The following IQCF2 variants were observed in gnomAD, a reference collection of about 807,000 sequenced individuals.
IQCF2 encodes the protein IQ motif containing F2, also known as IQ domain-containing protein F2.
A neutral mutation model predicts 7.0 loss-of-function variants in IQCF2; 6 were observed. The ratio of observed to expected loss-of-function variants is 0.86; its 90% CI spans 0.47 to 1.70. The LOEUF is 1.70. Among genes scored for constraint, IQCF2 ranks in the 40% most tolerant of loss-of-function variants. The probability of loss-of-function intolerance (pLI) is 0.01; values close to 1 mark genes in which losing one functional copy is unlikely to be tolerated. For missense variants in IQCF2, 174 were observed against 204.6 expected (o/e 0.85, Z 0.91); for synonymous variants, 67 against 74.0 (o/e 0.91, Z 0.48).
chr3:51,862,871 C>G, intron 2 of IQCF2, 116 bp from the exon 3 acceptor site: 1 of 1,298,978 alleles, frequency 7.7e-7, no homozygotes, highest in Non-Finnish European at 1.1e-6. Flanking sequence ...CTGCTAACTT[C>G]CCTGAATTCT....
At position 51,863,355 on chromosome 3, in the gene IQCF2, GATC is replaced by G; in HGVS notation, c.485_487del (p.Ile162del). The G allele has an allele frequency of 1.2e-6, 2 of 1,613,796 alleles. No individual in the cohort carries two copies. Among genetic ancestry groups the G allele is most frequent in the Non-Finnish European group, 1.7e-6 (2 of 1,179,958 alleles). ...CCACTCACCTGCAGTTCCACATTGAGATCATCAACTCCTAAGGGCTGGCAAGAA... is the reference window on the plus strand; with the variant it reads ...CCACTCACCTGCAGTTCCACATTGAGATCAACTCCTAAGGGCTGGCAAGAA... On this transcript the variant is annotated inframe_deletion, in exon 3 of 3. Coordinates refer to ENST00000333127, the MANE Select transcript of IQCF2 (RefSeq NM_203424.2).
rs779701186 is a variant in IQCF2 at position 51,863,407 on chromosome 3, T to C, written c.*37T>C. The C allele has an allele frequency of 6.3e-6, 10 of 1,590,454 alleles. No individual in the cohort carries two copies. Among genetic ancestry groups the C allele is most frequent in the Non-Finnish European group, 8.6e-6 (10 of 1,165,240 alleles). On this transcript the variant is annotated 3_prime_UTR_variant, in exon 3 of 3. Transcript: ENST00000333127. The stretch of plus-strand genomic sequence containing the variant: ...AAGGGCACTGTGTCTACTGTCCCTA[T>C]TAAAGGTCTAACCTGGTCTGGTGTG...
At chr3:51,862,423 G>C (rs199789558) in intron 2 of IQCF2, among the ~76,000 whole-genome samples, 1 of 75,494 alleles carries the variant, frequency 1.3e-5, no homozygotes, top group Admixed American at 1.3e-4. Flanking sequence ...AAAAAAAAAA[G>C]AATGAAAGCC....
At chr3:51,861,706 A>C (rs1248617009) in intron 1 of IQCF2, 22 bp downstream of exon 1, 1 of 1,614,050 alleles carries the variant, frequency 6.2e-7, no homozygotes, top group East Asian at 2.2e-5. Context: ...GGCCAGATCT[A>C]TTAGGTGGAC....
rs767340179 is a variant in IQCF2 at position 51,861,849 on chromosome 3, T to C, written c.19-9T>C. The C allele has an allele frequency of 6.2e-7, 1 of 1,610,398 alleles. No homozygotes were observed. Among genetic ancestry groups the C allele is most frequent in the Non-Finnish European group, 8.5e-7 (1 of 1,176,644 alleles). ...CATTTATGTACTTCCCATTTAATTC[T>C]GATGACAGACCAAAGGCAATTTAAT... On this transcript the variant is annotated splice_polypyrimidine_tract_variant and intron_variant, in intron 1 of 2. Coordinates refer to ENST00000333127, the MANE Select transcript of IQCF2 (RefSeq NM_203424.2).
At position 51,863,157 on chromosome 3, in the gene IQCF2, C is replaced by G. The variant is rs1329432638; in HGVS notation, c.282C>G (p.Ile94Met). The G allele has an allele frequency of 1.9e-6, 3 of 1,614,170 alleles. No homozygotes were observed. The highest frequency in any genetic ancestry group is 3.3e-5 in the Admixed American group (2 of 60,022). Reference protein sequence around the residue: ...VLEKKRQAALIAYATRERAVI... With the variant: ...VLEKKRQAALMAYATRERAVI... ...AGAAGAAACGGCAGGCAGCTCTGAT[C>G]GCCTACGCAACCAGAGAGAGGGCAG... Residue 94 changes from isoleucine to methionine, a missense_variant, in exon 3 of 3, where the codon ATC (isoleucine) becomes ATG (methionine). By Grantham distance (10) the Ile-to-Met change is conservative. Coordinates refer to ENST00000333127, the MANE Select transcript of IQCF2 (RefSeq NM_203424.2).
At position 51,861,677 on chromosome 3, in the gene IQCF2, G is replaced by A. The variant is rs114750576; in HGVS notation, c.11G>A (p.Arg4Gln). 0.062 allele frequency: 99,248 copies of A among 1,613,542 alleles called. 3,570 individuals are homozygous for A. The highest frequency in any genetic ancestry group is 0.073 in the Non-Finnish European group (85,533 of 1,179,466). The change falls in exon 1 of 3, where the codon CGA (arginine) becomes CAA (glutamine). Residue 4 changes from arginine (R) to glutamine (Q), a missense_variant. By Grantham distance (43) the Arg-to-Gln change is conservative (BLOSUM62 1). Coordinates refer to ENST00000333127, the MANE Select transcript of IQCF2 (RefSeq NM_203424.2). MRV[R>Q]FCTKGNLILV... ...ATCTAAGGACAGGCCATGAGGGTTC[G>A]ATTTTGTGTAAGAGACATGGCCAGA...
In IQCF2 at chr3:51,861,660, A is replaced by G. The variant is rs201606785; in HGVS notation, c.-7A>G. Reference sequence around the variant, plus strand: ...ATCAGGGCTAATGAACCATCTAAGGACAGGCCATGAGGGTTCGATTTTGTG... The same window carrying G: ...ATCAGGGCTAATGAACCATCTAAGGGCAGGCCATGAGGGTTCGATTTTGTG... On this transcript the variant is annotated 5_prime_UTR_variant, in exon 1 of 3. Transcript: ENST00000333127. The G allele has an allele frequency of 3.7e-6, 6 of 1,614,056 alleles. No homozygotes were observed. Among genetic ancestry groups the G allele is most frequent in the Non-Finnish European group, 5.1e-6 (6 of 1,180,016 alleles).
In IQCF2 at chr3:51,861,818, T is replaced by A. The variant is rs373815642; in HGVS notation, c.19-40T>A. The A allele has an allele frequency of 6.7e-5, 106 of 1,577,344 alleles. No individual in the cohort carries two copies. In the African/African-American group the frequency reaches 1.3e-3, roughly 19 times the overall value. Reference sequence around the variant, plus strand: ...TATAGAGCCATAGAGAGAAACAGTCTTAACTCATTTATGTACTTCCCATTT... The same window carrying A: ...TATAGAGCCATAGAGAGAAACAGTCATAACTCATTTATGTACTTCCCATTT... On this transcript the variant is annotated intron_variant, in intron 1 of 2. Coordinates refer to ENST00000333127, the MANE Select transcript of IQCF2 (RefSeq NM_203424.2).
chr3:51,862,403 A>AC (rs1491526946), intron 2 of IQCF2, among the ~76,000 whole-genome samples: 1 of 6,386 alleles, frequency 1.6e-4, no homozygotes, highest in African/African-American at 2.0e-4. Flanking sequence ...ACTCCTTCTC[A>AC]AAAAAAAAAA....
At position 51,861,926 on chromosome 3, in the gene IQCF2, G is replaced by A; in HGVS notation, c.87G>A (p.Gln29=). ...AAAGCATTGAATGGAAGACATTGCA[G>A]AAGAAGAAACAGCAGAAAATCAAGG... ...VEESIEWKTL[Q]KKKQQKIKEK... is the part of the protein sequence containing the mutation. The change falls in exon 2 of 3, where the codon CAG becomes CAA. Residue 29 remains glutamine (Q), a synonymous_variant. Coordinates refer to ENST00000333127, the MANE Select transcript of IQCF2 (RefSeq NM_203424.2). 1 of 1,613,416 alleles carries A rather than the reference G, an allele frequency of 6.2e-7. No homozygotes were observed.
chr3:51,863,350 A>G lies in IQCF2; in HGVS notation c.475A>G (p.Ile159Val). 1 of 1,613,874 alleles carries G rather than the reference A, an allele frequency of 6.2e-7. No homozygotes were observed. Residue 159 changes from isoleucine (I) to valine (V), a missense_variant, in exon 3 of 3, where the codon ATT becomes GTT. Ile to Val is a conservative substitution (Grantham distance 29). Transcript: ENST00000333127. Reference sequence around the variant, plus strand: ...CACAGCCACTCACCTGCAGTTCCACATTGAGATCATCAACTCCTAAGGGCT... The same window carrying G: ...CACAGCCACTCACCTGCAGTTCCACGTTGAGATCATCAACTCCTAAGGGCT... ...VVTATHLQFH[I>V]EIINS
In IQCF2 at chr3:51,861,616, G is replaced by A. The variant is rs774523708; in HGVS notation, c.-51G>A. 3.7e-6 allele frequency: 6 copies of A among 1,610,400 alleles called. No individual in the cohort carries two copies. The South Asian group carries it at 5.5e-5, about 15-fold the overall frequency. On this transcript the variant is annotated 5_prime_UTR_variant, in exon 1 of 3. Coordinates refer to ENST00000333127, the MANE Select transcript of IQCF2 (RefSeq NM_203424.2). ...CTCCTCACTCACGTTACTCATGCCA[G>A]ACCTTGGGAAGCAGAGAAATCAGGG...
chr3:51,861,797 G>C, intron 1 of IQCF2, 61 bp from the exon 2 acceptor site: 1 of 1,560,778 alleles, frequency 6.4e-7, no homozygotes, highest in Non-Finnish European at 8.8e-7. Context: ...TCTTTGTATA[G>C]AGCCATAGAG....
chr3:51,862,999 A>C lies in IQCF2; in HGVS notation c.124A>C (p.Ile42Leu). 6.2e-7 allele frequency: 1 copy of C among 1,604,352 alleles called. No individual in the cohort carries two copies. The highest frequency in any genetic ancestry group is 8.5e-7 in the Non-Finnish European group (1 of 1,173,380). Residue 42 changes from isoleucine to leucine, a missense_variant, in exon 3 of 3, where the codon ATA becomes CTA. Transcript: ENST00000333127. The stretch of plus-strand genomic sequence containing the variant: ...TGTCTCTGCCTAGGAAAAACTTAGA[A>C]TAAGAACAAAAGCAGCTGTAAAGAT... ...KQQKIKEKLR[I>L]RTKAAVKIQA... is the part of the protein sequence containing the mutation.
chr3:51,862,023 C>A, intron 2 of IQCF2, 73 bp downstream of exon 2: 1 of 1,098,824 alleles, frequency 9.1e-7, no homozygotes, highest in Non-Finnish European at 1.4e-6. Flanking sequence ...AGGACTTTGC[C>A]TCTTATCAAT....
Position 51,861,639 on chromosome 3 carries a change from G to C in IQCF2, c.-28G>C, listed in dbSNP as rs773795576. On this transcript the variant is annotated 5_prime_UTR_variant, in exon 1 of 3. Transcript: ENST00000333127. ...CAGACCTTGGGAAGCAGAGAAATCA[G>C]GGCTAATGAACCATCTAAGGACAGG... 9.3e-6 allele frequency: 15 copies of C among 1,613,918 alleles called. No homozygotes were observed. The highest frequency in any genetic ancestry group is 3.3e-4 in the Middle Eastern group (2 of 6,084).
At position 51,861,895 on chromosome 3, in the gene IQCF2, T is replaced by C. The variant is rs1476173973; in HGVS notation, c.56T>C (p.Val19Ala). Residue 19 changes from valine to alanine, a missense_variant, in exon 2 of 3, where the codon GTT (valine) becomes GCT (alanine). By Grantham distance (64) the Val-to-Ala change is moderately conservative. Coordinates refer to ENST00000333127, the MANE Select transcript of IQCF2 (RefSeq NM_203424.2). ...TTAATTTTGGTTATAATTGAGGATG[T>C]TGAAGAAAGCATTGAATGGAAGACA... ...GNLILVIIEDVEESIEWKTLQ... is the reference protein window; with the variant it reads ...GNLILVIIEDAEESIEWKTLQ... 11 of 1,614,100 alleles carry C rather than the reference T, an allele frequency of 6.8e-6. No individual in the cohort carries two copies. Among genetic ancestry groups the C allele is most frequent in the Non-Finnish European group, 9.3e-6 (11 of 1,179,958 alleles).
intron 2 of IQCF2, among the ~76,000 whole-genome samples, chr3:51,862,384 C>T (rs924253102): frequency 2.8e-5 from 3 of 108,948 alleles, no homozygotes; most frequent in East Asian, 2.8e-4. Context: ...GCCTGGGCAA[C>T]AGAGCGAGAC....
Sources: gnomAD v4.1 joint callset for allele counts (sites outside exome capture counted in the v4.1 genomes callset) on GRCh38, gnomAD v4.1.1 for gene constraint, MANE v1.5 for transcripts, NCBI Gene and HGNC (gene_info 2026-07-23, HGNC 2026-07-21) for gene names.